MTUS2: variants seen among roughly 807,000 people sequenced by gnomAD.
MTUS2 encodes microtubule associated scaffold protein 2, also known as microtubule-associated tumor suppressor candidate 2.
A neutral mutation model predicts 114.1 loss-of-function variants in MTUS2; 40 were observed. That is an observed-to-expected ratio of 0.35 (90% CI 0.27 to 0.46). The LOEUF is 0.46. MTUS2 is among the 20% of genes least tolerant of loss of function. The probability of loss-of-function intolerance (pLI) is 1.00; values close to 1 mark genes in which losing one functional copy is unlikely to be tolerated. For missense variants in MTUS2, 1,679 were observed against 1,705.4 expected, an observed-to-expected ratio of 0.98 and a Z score of 0.27; for synonymous variants, 688 against 672.0, an observed-to-expected ratio of 1.02 and a Z score of -0.37.
intron 2 of MTUS2, among the ~76,000 whole-genome samples, chr13:28,877,522 G>GT (rs1878019596): frequency 6.6e-6 from 1 of 152,164 alleles, no homozygotes; most frequent in Non-Finnish European, 1.5e-5. Flanking sequence ...TTGTAAGACA[G>GT]TAGAAGTATA....
chr13:28,918,241 T>C (rs1266317668), intron 2 of MTUS2, among the ~76,000 whole-genome samples: 1 of 151,934 alleles, frequency 6.6e-6, no homozygotes, highest in Non-Finnish European at 1.5e-5. Context: ...GATTTTCTGT[T>C]TGGAAGATCT....
chr13:29,210,596 A>C (rs990232439), intron 5 of MTUS2, among the ~76,000 whole-genome samples: 25 of 152,292 alleles, frequency 1.6e-4, no homozygotes, highest in African/African-American at 5.3e-4. Flanking sequence ...GCTGTTGTTC[A>C]GATTCGTTTG....
At chr13:29,151,834 T>A (rs1303478420) in intron 5 of MTUS2, among the ~76,000 whole-genome samples, 1 of 152,236 alleles carries the variant, frequency 6.6e-6, no homozygotes, top group Non-Finnish European at 1.5e-5. Context: ...ATGAATCACA[T>A]TTATTGATTT....
At chr13:28,935,214 C>T (rs554848159) in intron 2 of MTUS2, among the ~76,000 whole-genome samples, 203 of 151,994 alleles carry the variant, frequency 1.3e-3, no homozygotes, top group African/African-American at 4.5e-3. Flanking sequence ...TAGGGACATT[C>T]GGGTTGTTTC....
intron 2 of MTUS2, among the ~76,000 whole-genome samples, chr13:29,014,151 G>T (rs1223356746): frequency 6.6e-6 from 1 of 152,124 alleles, no homozygotes; most frequent in African/African-American, 2.4e-5. Flanking sequence ...TTCCACACAG[G>T]CTGCAGTCTG....
chr13:29,379,652 A>G (rs1872051672), intron 8 of MTUS2, among the ~76,000 whole-genome samples: 1 of 152,160 alleles, frequency 6.6e-6, no homozygotes, highest in South Asian at 2.1e-4. Flanking sequence ...TCTTACCGTC[A>G]TCATACATGT....
At chr13:29,265,518 A>T (rs536209983) in intron 5 of MTUS2, among the ~76,000 whole-genome samples, 94 of 152,210 alleles carry the variant, frequency 6.2e-4, no homozygotes, top group Non-Finnish European at 1.1e-3. Context: ...TTTCCGTGTT[A>T]GATTATTCTT....
chr13:29,342,420 A>G (rs1190885311), intron 7 of MTUS2, among the ~76,000 whole-genome samples: 2 of 152,096 alleles, frequency 1.3e-5, no homozygotes, highest in Admixed American at 6.5e-5. Flanking sequence ...TTTTGCAGCT[A>G]TTGTAAAAGG....
At chr13:29,199,496 T>TG (rs1408020744) in intron 5 of MTUS2, among the ~76,000 whole-genome samples, 1 of 152,228 alleles carries the variant, frequency 6.6e-6, no homozygotes, top group African/African-American at 2.4e-5. Context: ...TTAGGTTTAT[T>TG]GATTTGCATA....
intron 6 of MTUS2, among the ~76,000 whole-genome samples, chr13:29,317,436 T>TAG (rs1900043833): frequency 9.0e-5 from 1 of 11,094 alleles, no homozygotes; most frequent in African/African-American, 1.8e-4. Flanking sequence ...CTCTCTCTTT[T>TAG]TTTTTTTTTT....
intron 1 of MTUS2, among the ~76,000 whole-genome samples, chr13:28,830,605 A>G (rs1003285209): frequency 1.3e-5 from 2 of 152,172 alleles, no homozygotes; most frequent in Admixed American, 1.3e-4. Flanking sequence ...ATATACTATG[A>G]GGAACAGAAA....
chr13:29,026,977 T>C, intron 3 of MTUS2, 74 bp downstream of exon 3: 1 of 1,422,318 alleles, frequency 7.0e-7, no homozygotes, highest in Non-Finnish European at 9.4e-7. Flanking sequence ...CAATGAGTTA[T>C]GAAAGTAAAA....
At chr13:29,473,378 T>G (rs973622018) in intron 9 of MTUS2, among the ~76,000 whole-genome samples, 5 of 152,296 alleles carry the variant, frequency 3.3e-5, no homozygotes, top group African/African-American at 1.2e-4. Flanking sequence ...AGAAGACACT[T>G]GGGACAGTCG....
At chr13:28,842,301 GT>G (rs1875565713) in intron 2 of MTUS2, among the ~76,000 whole-genome samples, 1 of 152,074 alleles carries the variant, frequency 6.6e-6, no homozygotes, top group Non-Finnish European at 1.5e-5. Context: ...CACCCCTGCA[GT>G]TGTTTAGCTG....
At chr13:29,069,117 T>A (rs533817427) in intron 4 of MTUS2, among the ~76,000 whole-genome samples, 4 of 152,266 alleles carry the variant, frequency 2.6e-5, no homozygotes. Context: ...TTTAATTAAA[T>A]TCCTTTATTA....
At chr13:29,441,394 T>G (rs981292165) in intron 9 of MTUS2, among the ~76,000 whole-genome samples, 1 of 152,200 alleles carries the variant, frequency 6.6e-6, no homozygotes, top group Non-Finnish European at 1.5e-5. Flanking sequence ...TCATCCTTCC[T>G]CTTTGCCATT....
In MTUS2 at chr13:29,419,476, G is replaced by A. The variant is rs542454614; in HGVS notation, c.3118-20507G>A. Among the ~76,000 whole-genome samples the A allele has an allele frequency of 2.2e-4, 33 of 152,312 alleles. No individual in the cohort carries two copies. The South Asian group carries it at 6.8e-3, about 32-fold the overall frequency. Reference sequence around the variant, plus strand: ...ACTTCCATTGGAGGTGGGGAGACCAGTTCTGCCAGGGCTGAGGAGACCTCT... The same window carrying A: ...ACTTCCATTGGAGGTGGGGAGACCAATTCTGCCAGGGCTGAGGAGACCTCT... On this transcript the variant is annotated intron_variant, in intron 8 of 15. Coordinates refer to ENST00000612955, the MANE Select transcript of MTUS2 (RefSeq NM_001033602.4).
At chr13:29,392,076 C>T (rs1452692357) in intron 8 of MTUS2, among the ~76,000 whole-genome samples, 37 of 135,376 alleles carry the variant, frequency 2.7e-4, no homozygotes, top group African/African-American at 9.2e-4. Flanking sequence ...TGCAGTGAGC[C>T]GAGGTTGCAC....
intron 8 of MTUS2, among the ~76,000 whole-genome samples, chr13:29,425,920 C>A (rs1328681008): frequency 1.3e-5 from 2 of 152,196 alleles, no homozygotes; most frequent in African/African-American, 2.4e-5. Flanking sequence ...GGCTCTCATA[C>A]ATCTCCTAAG....
Sources: allele counts gnomAD v4.1 joint callset (sites outside exome capture counted in the v4.1 genomes callset), GRCh38; gene constraint gnomAD v4.1.1; transcripts MANE v1.5; gene names NCBI Gene and HGNC (gene_info 2026-07-23, HGNC 2026-07-21).